Variants in ALDH6A1 observed in about 807,000 individuals in gnomAD.
The protein encoded by ALDH6A1 is methylmalonate-semialdehyde/malonate-semialdehyde dehydrogenase [acylating], mitochondrial.
Under a neutral mutation model 62.6 loss-of-function variants are expected in ALDH6A1, and 43 were observed. The observed-to-expected ratio is 0.69, with a 90% CI of 0.54 to 0.89. ALDH6A1 has a LOEUF of 0.89. Ranked by LOEUF, ALDH6A1 falls within the 40% of genes least tolerant of loss-of-function variation. ALDH6A1 has a pLI of 0.00. For missense variants in ALDH6A1, 551 were observed against 661.3 expected, an observed-to-expected ratio of 0.83 and a Z score of 1.83; for synonymous variants, 194 against 234.2, an observed-to-expected ratio of 0.83 and a Z score of 1.57.
rs2060249599 is a variant in ALDH6A1 at position 74,057,705 on chromosome 14, A to G, written c.*2937T>C. 1 of 1,245,164 alleles carries G rather than the reference A, an allele frequency of 8.0e-7. No individual in the cohort carries two copies. Among genetic ancestry groups the G allele is most frequent in the East Asian group, 5.7e-5 (1 of 17,588 alleles). 77.1% of individuals were successfully genotyped at this position (1,245,164 alleles called of 1,614,324 possible). On this transcript the variant is annotated 3_prime_UTR_variant, in exon 12 of 12. Transcript: ENST00000553458. ...TTTAATTTATAATTTGTTATTCATA[A>G]TTAGTACAATGTAGAATCTGAGAAA...
intron 1 of ALDH6A1, among the ~76,000 whole-genome samples, chr14:74,076,757 C>T (rs1390177757): frequency 1.3e-5 from 2 of 151,994 alleles, no homozygotes; most frequent in African/African-American, 2.4e-5. Context: ...ACCATGTTGG[C>T]CTGGCTGGTC....
intron 1 of ALDH6A1, among the ~76,000 whole-genome samples, chr14:74,078,987 C>A (rs114616280): frequency 0.023 from 3,500 of 151,846 alleles, 86 homozygotes; most frequent in African/African-American, 0.03. Context: ...TTAAGTTTCC[C>A]AAGGCTTGGT....
chr14:74,066,558 T>C (rs1262686309), intron 9 of ALDH6A1, 147 bp downstream of exon 9: 1 of 866,848 alleles, frequency 1.2e-6, no homozygotes, highest in Non-Finnish European at 1.8e-6. Context: ...AGAGGCTCAT[T>C]CAGACTCCAG....
At chr14:74,062,051 GAAA>G (rs369414700) in intron 11 of ALDH6A1, among the ~76,000 whole-genome samples, 27 of 59,612 alleles carry the variant, frequency 4.5e-4, no homozygotes, top group Admixed American at 7.4e-4. Context: ...TCTCTACTGG[GAAA>G]AAAAAAAAAA....
At chr14:74,080,788 G>A (rs2060661753) in intron 1 of ALDH6A1, among the ~76,000 whole-genome samples, 1 of 152,088 alleles carries the variant, frequency 6.6e-6, no homozygotes, top group Non-Finnish European at 1.5e-5. Context: ...TAATCAGAGG[G>A]TCTTTCTGAA....
Position 74,071,337 on chromosome 14 carries a change from A to G in ALDH6A1, c.588T>C (p.Phe196=). The G allele has an allele frequency of 1.2e-6, 2 of 1,614,214 alleles. No homozygotes were observed. The highest frequency in any genetic ancestry group is 1.7e-6 in the Non-Finnish European group (2 of 1,180,038). The change falls in exon 6 of 12, where the codon TTT becomes TTC. Residue 196 remains phenylalanine (F), a synonymous_variant. Transcript: ENST00000553458. ...TATTTCCACACACCATGGCCATGGG[A>G]AACATCCAAAGGGGGATCATGGCAG... The part of the protein sequence containing the change: ...NFPAMIPLWM[F]PMAMVCGNTF...
chr14:74,083,490 T>C (rs1488577484), intron 1 of ALDH6A1, among the ~76,000 whole-genome samples: 1 of 150,250 alleles, frequency 6.7e-6, no homozygotes, highest in Non-Finnish European at 1.5e-5. Flanking sequence ...AGTGCAGAGA[T>C]GAGGGTGTGT....
Position 74,072,525 on chromosome 14 carries a change from AGCTTC to A in ALDH6A1, c.186+7_186+11del, listed in dbSNP as rs1208439945. ...GGCTCATAAGTTGAAGTCCCAAAGCAGCTTCGCTTACTGGGTTGTGGATATCGATC... is the reference window on the plus strand; with the variant it reads ...GGCTCATAAGTTGAAGTCCCAAAGCAGCTTACTGGGTTGTGGATATCGATC... On this transcript the variant is annotated splice_region_variant and intron_variant, in intron 3 of 11. Transcript: ENST00000553458. 6.2e-7 allele frequency: 1 copy of A among 1,614,084 alleles called. No homozygotes were observed. Among genetic ancestry groups the A allele is most frequent in the Non-Finnish European group, 8.5e-7 (1 of 1,180,046 alleles).
At chr14:74,073,429 C>G (rs2139796920) in intron 2 of ALDH6A1, among the ~76,000 whole-genome samples, 1 of 152,180 alleles carries the variant, frequency 6.6e-6, no homozygotes, top group East Asian at 1.9e-4. Context: ...AGATGTGGCA[C>G]AGCCTCTCAA....
chr14:74,057,182 AG>A lies in ALDH6A1; in HGVS notation c.*3459del. On this transcript the variant is annotated 3_prime_UTR_variant, in exon 12 of 12. Transcript: ENST00000553458. ...CTTCAAGATAAAATCTTCATCACCC[AG>A]CAAATTGCAATATCAGACTCTTCTG... 2 of 1,613,684 alleles carry A rather than the reference AG, an allele frequency of 1.2e-6. No individual in the cohort carries two copies. Among genetic ancestry groups the A allele is most frequent in the Non-Finnish European group, 1.7e-6 (2 of 1,179,666 alleles).
chr14:74,073,149 C>T (rs2060573159), intron 2 of ALDH6A1, among the ~76,000 whole-genome samples: 1 of 151,698 alleles, frequency 6.6e-6, no homozygotes. Flanking sequence ...CTCTGTTGCC[C>T]AGGCTGGAGT....
rs548540518 is a variant in ALDH6A1, at chr14:74,074,988, G to A, written c.78C>T (p.Thr26=). 6.2e-7 allele frequency: 1 copy of A among 1,614,038 alleles called. No individual in the cohort carries two copies. Among genetic ancestry groups the A allele is most frequent in the East Asian group, 2.2e-5 (1 of 44,846 alleles). ...QVSSKVKSSP[T]WYSASSFSSS... ...AAGAGAAGGAAGATGCTGAATACCA[G>A]GTGGGACTGGATTTCACCTTGGAAG... Residue 26 remains threonine, a synonymous_variant, in exon 2 of 12, where the codon ACC becomes ACT. Coordinates refer to ENST00000553458, the MANE Select transcript of ALDH6A1 (RefSeq NM_005589.4).
chr14:74,077,968 C>T (rs569696745), intron 1 of ALDH6A1, among the ~76,000 whole-genome samples: 8 of 152,220 alleles, frequency 5.3e-5, no homozygotes, highest in South Asian at 4.2e-4. Context: ...AATAACGGCA[C>T]GGTGATTTCT....
intron 1 of ALDH6A1, chr14:74,083,003 G>A (rs1051437944): frequency 6.6e-6 from 1 of 152,140 alleles, no homozygotes; most frequent in Non-Finnish European, 1.5e-5. Context: ...GAAAAATATA[G>A]GGTGGAAACT....
intron 1 of ALDH6A1, among the ~76,000 whole-genome samples, chr14:74,076,796 C>T (rs1004475333): frequency 1.1e-4 from 16 of 152,140 alleles, no homozygotes; most frequent in African/African-American, 3.6e-4. Flanking sequence ...GTGATCCACC[C>T]GCCTCAGCCT....
At chr14:74,082,208 C>T (rs2060675210) in intron 1 of ALDH6A1, among the ~76,000 whole-genome samples, 2 of 152,190 alleles carry the variant, frequency 1.3e-5, no homozygotes, top group African/African-American at 4.8e-5. Context: ...CTGTCTCGAA[C>T]ATTCCTTTAT....
Position 74,060,553 on chromosome 14 carries a change from G to A in ALDH6A1, c.*89C>T, listed in dbSNP as rs2060316519. The A allele has an allele frequency of 2.0e-6, 2 of 980,684 alleles. No individual in the cohort carries two copies. The highest frequency in any genetic ancestry group is 3.3e-6 in the Non-Finnish European group (2 of 603,990). The allele number at this position is 980,684 out of a possible 1,614,324, so 60.7% of individuals were successfully genotyped here. A position where few individuals can be genotyped will look rare whatever the true frequency, so the allele number is the denominator to read the frequency against. On this transcript the variant is annotated 3_prime_UTR_variant, in exon 12 of 12. Coordinates refer to ENST00000553458, the MANE Select transcript of ALDH6A1 (RefSeq NM_005589.4). The stretch of plus-strand genomic sequence containing the variant: ...AGTTACAATGTATTCCAATCCCATC[G>A]ATCTGATCTGAGCAAAGCTGACAAA...
At chr14:74,062,286 A>G (rs1490237448) in intron 11 of ALDH6A1, among the ~76,000 whole-genome samples, 1 of 152,012 alleles carries the variant, frequency 6.6e-6, no homozygotes, top group Non-Finnish European at 1.5e-5. Context: ...TGTTACTAGT[A>G]TCAAATTAGT....
chr14:74,061,950 T>C (rs2060350652), intron 11 of ALDH6A1, among the ~76,000 whole-genome samples: 2 of 150,448 alleles, frequency 1.3e-5, no homozygotes, highest in South Asian at 2.1e-4. Context: ...TGGCTCACAC[T>C]TGTAATATCA....
Sources: gnomAD v4.1 joint callset for allele counts (sites outside exome capture counted in the v4.1 genomes callset) on GRCh38, gnomAD v4.1.1 for gene constraint, MANE v1.5 for transcripts, NCBI Gene and HGNC (gene_info 2026-07-23, HGNC 2026-07-21) for gene names.